The following AHSG variants were observed in gnomAD, a reference collection of about 807,000 sequenced individuals.
AHSG encodes alpha 2-HS glycoprotein.
In AHSG, 23 loss-of-function variants were observed where a neutral mutation model predicts 30.1. The ratio of observed to expected loss-of-function variants is 0.76; its 90% CI spans 0.55 to 1.08. The LOEUF (loss-of-function observed/expected upper bound fraction) is 1.08, where lower values mean the gene tolerates loss of function less well. Among genes scored for constraint, AHSG ranks in the 50% least tolerant of loss-of-function variants. The pLI is 0.00. For synonymous variants in AHSG, 164 were observed against 186.3 expected (o/e 0.88, Z 0.98); for missense variants, 469 against 459.5 (o/e 1.02, Z -0.19).
At position 186,619,945 on chromosome 3, in the gene AHSG, C is replaced by A. The variant is rs759043456; in HGVS notation, c.759+5C>A. On this transcript the variant is annotated splice_donor_5th_base_variant and intron_variant, in intron 6 of 6. Coordinates refer to ENST00000411641, the MANE Select transcript of AHSG (RefSeq NM_001622.4). ...TGCATGGTGTTCCAAACACAGGTAA[C>A]AGCTCCGTGAATATTCTTGCCTACA... 2 of 1,606,394 alleles carry A rather than the reference C, an allele frequency of 1.2e-6. No homozygotes were observed. The highest frequency in any genetic ancestry group is 1.7e-6 in the Non-Finnish European group (2 of 1,176,806).
rs764126298 is a variant in AHSG at position 186,617,188 on chromosome 3, C to G, written c.411C>G (p.Asp137Glu). The change falls in exon 4 of 7, where the codon GAC becomes GAG. Residue 137 changes from aspartate (D) to glutamate (E), a missense_variant and splice_region_variant. Transcript: ENST00000411641. ...VVYAKCDSSPDSAEDVRKVCQ... is the reference protein window; with the variant it reads ...VVYAKCDSSPESAEDVRKVCQ... ...TCCTGGTTTCCTCTCTCCGAGCAGACTCAGCCGAGGACGTGCGCAAGGTGT... is the reference window on the plus strand; with the variant it reads ...TCCTGGTTTCCTCTCTCCGAGCAGAGTCAGCCGAGGACGTGCGCAAGGTGT... The G allele has an allele frequency of 6.2e-7, 1 of 1,609,526 alleles. No homozygotes were observed.
chr3:186,618,869 C>T (rs543858640), intron 5 of AHSG, among the ~76,000 whole-genome samples: 4 of 152,324 alleles, frequency 2.6e-5, no homozygotes, highest in Admixed American at 6.5e-5. Flanking sequence ...AAGAGAGAGG[C>T]TATTTGCTAA....
At chr3:186,620,380 G>A (rs992107121) in intron 6 of AHSG, among the ~76,000 whole-genome samples, 5 of 152,194 alleles carry the variant, frequency 3.3e-5, no homozygotes, top group Admixed American at 6.5e-5. Flanking sequence ...CAATCCTAGT[G>A]AGGCCGGGGC....
Position 186,620,749 on chromosome 3 carries a change from A to T in AHSG, c.923A>T (p.Gln308Leu). The T allele has an allele frequency of 6.2e-7, 1 of 1,614,150 alleles. No homozygotes were observed. The highest frequency in any genetic ancestry group is 8.5e-7 in the Non-Finnish European group (1 of 1,180,026). Residue 308 changes from glutamine (Q) to leucine (L), a missense_variant, in exon 7 of 7, where the codon CAG (glutamine) becomes CTG (leucine). Transcript: ENST00000411641. ...TTACTGGCAGCTCCTCCAGGACACC[A>T]GTTGCACCGGGCGCACTACGACCTG... ...HVLLAAPPGHQLHRAHYDLRH... is the reference protein window; with the variant it reads ...HVLLAAPPGHLLHRAHYDLRH...
chr3:186,617,504 A>C lies in AHSG; in HGVS notation c.573+154A>C, dbSNP rs774974210. The stretch of plus-strand genomic sequence containing the variant: ...GTTTGGAAAGGGAAGAAAGCATCCT[A>C]AGGGGGTATGAGGCTCCTGAGTGTC... On this transcript the variant is annotated intron_variant, in intron 4 of 6. Coordinates refer to ENST00000411641, the MANE Select transcript of AHSG (RefSeq NM_001622.4). 151 of 1,407,508 alleles carry C rather than the reference A, an allele frequency of 1.1e-4. 1 individual carries two copies. Among genetic ancestry groups the C allele is most frequent in the Non-Finnish European group, 1.4e-4 (141 of 1,019,760 alleles). The allele number at this position is 1,407,508 out of a possible 1,614,324, so 87.2% of individuals were successfully genotyped here.
chr3:186,618,579 C>T lies in AHSG; in HGVS notation c.617C>T (p.Thr206Ile), dbSNP rs771078303. 4 of 1,614,146 alleles carry T rather than the reference C, an allele frequency of 2.5e-6. No individual in the cohort carries two copies. The East Asian group carries it at 6.7e-5, about 27-fold the overall frequency. ...STYVEFTVSGTDCVAKEATEA... is the reference protein window; with the variant it reads ...STYVEFTVSGIDCVAKEATEA... Reference sequence around the variant, plus strand: ...TATGTGGAGTTTACAGTGTCTGGCACTGACTGTGTTGCTAAAGAGGCCACA... The same window carrying T: ...TATGTGGAGTTTACAGTGTCTGGCATTGACTGTGTTGCTAAAGAGGCCACA... The change falls in exon 5 of 7, where the codon ACT (threonine) becomes ATT (isoleucine). Residue 206 changes from threonine to isoleucine, a missense_variant. Coordinates refer to ENST00000411641, the MANE Select transcript of AHSG (RefSeq NM_001622.4).
chr3:186,613,799 A>G (rs1716215413), intron 1 of AHSG, among the ~76,000 whole-genome samples: 1 of 151,978 alleles, frequency 6.6e-6, no homozygotes, highest in African/African-American at 2.4e-5. Context: ...ATTCACATAG[A>G]TTATCTCATT....
intron 3 of AHSG, 25 bp downstream of exon 3, chr3:186,616,552 AT>A: frequency 6.4e-7 from 1 of 1,562,988 alleles, no homozygotes; most frequent in Non-Finnish European, 8.7e-7. Context: ...TCTTATTCTC[AT>A]TTTTTCCTTG....
intron 1 of AHSG, among the ~76,000 whole-genome samples, chr3:186,613,978 G>A (rs1414828273): frequency 6.6e-6 from 1 of 151,496 alleles, no homozygotes; most frequent in East Asian, 1.9e-4. Flanking sequence ...TCTTCAGGCT[G>A]GGATTTGATT....
intron 4 of AHSG, among the ~76,000 whole-genome samples, chr3:186,618,144 C>CA (rs994262793): frequency 6.6e-6 from 1 of 152,316 alleles, no homozygotes. Flanking sequence ...TTCACTTTCC[C>CA]ACCCTATTTT....
chr3:186,617,516 G>A (rs1440085312), intron 4 of AHSG, 166 bp downstream of exon 4: 2 of 1,323,812 alleles, frequency 1.5e-6, no homozygotes, highest in Admixed American at 2.0e-5. Context: ...GGGGGTATGA[G>A]GCTCCTGAGT....
At chr3:186,618,420 G>A (rs765447798) in intron 4 of AHSG, 116 bp from the exon 5 acceptor site, 41 of 1,494,012 alleles carry the variant, frequency 2.7e-5, no homozygotes, top group Admixed American at 1.6e-4. Context: ...CTTCTGGGCC[G>A]ACGCATGGTC....
chr3:186,617,702 G>A (rs568497246), intron 4 of AHSG: 79 of 381,422 alleles, frequency 2.1e-4, no homozygotes, highest in South Asian at 1.7e-3. Flanking sequence ...TAAATTTGCT[G>A]GGCTCCAGTA....
intron 1 of AHSG, among the ~76,000 whole-genome samples, chr3:186,615,479 AGACG>A (rs1716267857): frequency 6.6e-6 from 1 of 152,214 alleles, no homozygotes; most frequent in Admixed American, 6.5e-5. Flanking sequence ...CTTAATCAAC[AGACG>A]AAGACCAGAC....
intron 5 of AHSG, 89 bp downstream of exon 5, chr3:186,618,726 G>A: frequency 1.3e-6 from 2 of 1,529,646 alleles, no homozygotes; most frequent in South Asian, 1.2e-5. Flanking sequence ...TCTTGGGGCT[G>A]CAGACAGAGA....
At chr3:186,616,065 G>A (rs1483932791) in intron 2 of AHSG, among the ~76,000 whole-genome samples, 5 of 152,112 alleles carry the variant, frequency 3.3e-5, no homozygotes, top group Non-Finnish European at 7.4e-5. Flanking sequence ...ACGTGGTGAC[G>A]GGCACCTGTA....
At chr3:186,617,657 G>C in intron 4 of AHSG, 2 of 459,162 alleles carry the variant, frequency 4.4e-6, no homozygotes, top group Non-Finnish European at 8.0e-6. Context: ...GTGTCAGCTG[G>C]TAGAGTTGCC....
intron 5 of AHSG, 45 bp downstream of exon 5, chr3:186,618,682 G>C (rs769108747): frequency 6.2e-7 from 1 of 1,604,758 alleles, no homozygotes; most frequent in Non-Finnish European, 8.5e-7. Flanking sequence ...GGACAGAGCT[G>C]TTTGTGGAAC....
At chr3:186,616,209 A>C (rs573690939) in intron 2 of AHSG, among the ~76,000 whole-genome samples, 6 of 152,288 alleles carry the variant, frequency 3.9e-5, no homozygotes, top group African/African-American at 9.6e-5. Context: ...AAATAATAAT[A>C]ATAATAATCA....
Sources: allele counts gnomAD v4.1 joint callset (sites outside exome capture counted in the v4.1 genomes callset), GRCh38; gene constraint gnomAD v4.1.1; transcripts MANE v1.5; gene names NCBI Gene and HGNC (gene_info 2026-07-23, HGNC 2026-07-21).